DCDC1: variants seen among roughly 807,000 people sequenced by gnomAD.
DCDC1 encodes the protein doublecortin domain containing 1.
A neutral mutation model predicts 178.3 loss-of-function variants in DCDC1; 200 were observed. The ratio of observed to expected loss-of-function variants is 1.12; its 90% CI spans 1.00 to 1.26. The LOEUF (loss-of-function observed/expected upper bound fraction) is 1.26. Ranked by LOEUF, DCDC1 falls within the 50% of genes most tolerant of loss-of-function variation. The pLI, the probability that DCDC1 is intolerant of heterozygous loss-of-function variation, is 0.00. For missense variants in DCDC1, 1,983 were observed against 1,749.2 expected (o/e 1.13, Z -2.38); for synonymous variants, 690 against 604.8 (o/e 1.14, Z -2.07).
chr11:31,260,385 T>C (rs1944702317), intron 8 of DCDC1, among the ~76,000 whole-genome samples: 1 of 152,352 alleles, frequency 6.6e-6, no homozygotes, highest in East Asian at 1.9e-4. Flanking sequence ...TTCATCTCTA[T>C]GTTATTGGAA....
chr11:30,938,243 G>T (rs2134365923), intron 21 of DCDC1, among the ~76,000 whole-genome samples: 1 of 151,494 alleles, frequency 6.6e-6, no homozygotes, highest in South Asian at 2.1e-4. Flanking sequence ...ATCATCTCCT[G>T]TTTCCTTTCT....
chr11:30,968,711 T>TTATATATACATATATATATATA (rs1949597324), intron 20 of DCDC1, among the ~76,000 whole-genome samples: 2 of 61,058 alleles, frequency 3.3e-5, no homozygotes, highest in Admixed American at 1.8e-4. Context: ...ATATATCAAA[T>TTATATATACATATATATATATA]TATATATATA....
At chr11:30,914,632 C>CAAA (rs11355322) in intron 27 of DCDC1, among the ~76,000 whole-genome samples, 138 of 100,802 alleles carry the variant, frequency 1.4e-3, no homozygotes, top group Middle Eastern at 5.4e-3. Context: ...CATATGCACC[C>CAAA]AAAAAAAAAA....
chr11:31,304,066 T>C (rs531256367), intron 6 of DCDC1, among the ~76,000 whole-genome samples: 2 of 152,172 alleles, frequency 1.3e-5, no homozygotes, highest in Non-Finnish European at 2.9e-5. Flanking sequence ...TTTTTTGTTC[T>C]GGACTTGGCT....
At chr11:31,109,451 C>G (rs1959059578) in intron 12 of DCDC1, among the ~76,000 whole-genome samples, 1 of 152,118 alleles carries the variant, frequency 6.6e-6, no homozygotes, top group Admixed American at 6.5e-5. Flanking sequence ...AGCCAAGGCT[C>G]TGGATCCTTC....
chr11:30,918,265 A>G (rs573350619), intron 25 of DCDC1, among the ~76,000 whole-genome samples: 122 of 152,290 alleles, frequency 8.0e-4, no homozygotes, highest in Non-Finnish European at 1.6e-3. Flanking sequence ...AGGTATAGTC[A>G]AGTCAGTTTT....
chr11:31,201,891 T>C (rs1158808139), intron 9 of DCDC1, among the ~76,000 whole-genome samples: 2 of 152,224 alleles, frequency 1.3e-5, no homozygotes, highest in Non-Finnish European at 2.9e-5. Flanking sequence ...TAGCTCACTG[T>C]CAATACACAA....
chr11:30,990,178 G>C (rs1318420192), intron 20 of DCDC1, among the ~76,000 whole-genome samples: 1 of 151,228 alleles, frequency 6.6e-6, no homozygotes, highest in Non-Finnish European at 1.5e-5. Context: ...AACTACAGTG[G>C]AACATATATA....
At chr11:31,065,330 C>T (rs1232127774) in intron 18 of DCDC1, among the ~76,000 whole-genome samples, 177 bp from the exon 19 acceptor site, 1 of 152,092 alleles carries the variant, frequency 6.6e-6, no homozygotes, top group African/African-American at 2.4e-5. Context: ...TTAATATTAA[C>T]GTTTCTAATT....
At chr11:31,326,877 T>G (rs1053222686) in intron 3 of DCDC1, among the ~76,000 whole-genome samples, 4 of 152,200 alleles carry the variant, frequency 2.6e-5, no homozygotes, top group Non-Finnish European at 1.5e-5. Context: ...ACATAAAGAC[T>G]AGGGCATCAC....
intron 20 of DCDC1, among the ~76,000 whole-genome samples, chr11:30,970,899 C>A (rs933690017): frequency 6.6e-6 from 1 of 152,188 alleles, no homozygotes; most frequent in Non-Finnish European, 1.5e-5. Flanking sequence ...CCTAAGCATG[C>A]CATCTGGGGG....
At chr11:30,879,979 C>CAG in intron 37 of DCDC1, among the ~76,000 whole-genome samples, 1 of 151,876 alleles carries the variant, frequency 6.6e-6, no homozygotes, top group East Asian at 1.9e-4. Flanking sequence ...CTACTGCACA[C>CAG]GTTTGCTCAC....
intron 20 of DCDC1, among the ~76,000 whole-genome samples, chr11:31,016,677 C>A (rs1374104109): frequency 1.3e-5 from 2 of 152,170 alleles, no homozygotes; most frequent in East Asian, 3.9e-4. Context: ...GGCCTATAGG[C>A]TTGAAACACC....
chr11:31,357,612 A>G (rs368855591), intron 1 of DCDC1, among the ~76,000 whole-genome samples: 2 of 152,144 alleles, frequency 1.3e-5, no homozygotes, highest in African/African-American at 4.8e-5. Flanking sequence ...AGAAGGAAAT[A>G]AAGGGTATTC....
intron 1 of DCDC1, among the ~76,000 whole-genome samples, chr11:31,340,401 G>C (rs1019533244): frequency 6.6e-6 from 1 of 152,102 alleles, no homozygotes; most frequent in African/African-American, 2.4e-5. Flanking sequence ...TAAAAGGCTA[G>C]GTAACTGTAG....
rs547233588 is a variant in DCDC1, at chr11:31,206,646, CT to C, written c.1221+34803del. 1.1e-3 allele frequency among the ~76,000 whole-genome samples: 164 copies of C among 152,268 alleles called. 2 individuals are homozygous for C. The highest frequency in any genetic ancestry group is 3.7e-3 in the African/African-American group (152 of 41,552). On this transcript the variant is annotated intron_variant, in intron 9 of 38. Transcript: ENST00000684477. ...GCCAGGCTGCACTTGAACTCCTGAC[CT>C]TGTGATCCGCCCCCCTCAGTCCCTC...
rs923788977 is a variant in DCDC1 at position 30,864,161 on chromosome 11, A to C, written c.*1212T>G. On this transcript the variant is annotated 3_prime_UTR_variant, in exon 39 of 39. Coordinates refer to ENST00000684477, the MANE Select transcript of DCDC1 (RefSeq NM_001387274.1). ...AAATTGCATATCTGTATTTTGTGAGATTATGGCTTTCCAAAAGATTCTTAA... is the reference window on the plus strand; with the variant it reads ...AAATTGCATATCTGTATTTTGTGAGCTTATGGCTTTCCAAAAGATTCTTAA... The C allele has an allele frequency of 1.3e-5, 2 of 152,124 alleles. No homozygotes were observed. Among genetic ancestry groups the C allele is most frequent in the African/African-American group, 4.8e-5 (2 of 41,436 alleles). 9.4% of individuals were successfully genotyped at this position (152,124 alleles called of 1,614,324 possible).
At chr11:31,092,407 A>G (rs888047386) in intron 16 of DCDC1, among the ~76,000 whole-genome samples, 25 of 152,190 alleles carry the variant, frequency 1.6e-4, no homozygotes, top group Non-Finnish European at 1.2e-4. Context: ...GGGTGAGGAA[A>G]GGCAGCCATC....
chr11:30,954,416 G>A (rs970354889), intron 20 of DCDC1, among the ~76,000 whole-genome samples: 3 of 152,122 alleles, frequency 2.0e-5, no homozygotes, highest in Non-Finnish European at 4.4e-5. Flanking sequence ...TATCTTTGCA[G>A]AACATGGGAC....
Sources: allele counts gnomAD v4.1 joint callset (sites outside exome capture counted in the v4.1 genomes callset), GRCh38; gene constraint gnomAD v4.1.1; transcripts MANE v1.5; gene names NCBI Gene and HGNC (gene_info 2026-07-23, HGNC 2026-07-21).